Variants in GNAI3 observed in about 807,000 individuals in gnomAD.
GNAI3 encodes G protein subunit alpha i3.
A neutral mutation model predicts 41.8 loss-of-function variants in GNAI3; 12 were observed. The observed-to-expected ratio is 0.29, with a 90% CI of 0.18 to 0.47. The LOEUF (loss-of-function observed/expected upper bound fraction) is 0.47, where lower values mean the gene tolerates loss of function less well. Among genes scored for constraint, GNAI3 ranks in the 20% least tolerant of loss-of-function variants. GNAI3 has a pLI of 1.00. For synonymous variants in GNAI3, 132 were observed against 146.5 expected (o/e 0.90, Z 0.71); for missense variants, 360 against 429.6 (o/e 0.84, Z 1.43).
At chr1:109,571,899 CAG>C (rs1648613310) in intron 1 of GNAI3, among the ~76,000 whole-genome samples, 1 of 151,726 alleles carries the variant, frequency 6.6e-6, no homozygotes. Flanking sequence ...GCCTGGGTGA[CAG>C]AGCAAGAGTC....
In GNAI3 at chr1:109,598,982, T is replaced by G. The variant is rs571600016; in HGVS notation, c.*6660T>G. On this transcript the variant is annotated 3_prime_UTR_variant, in exon 9 of 9. Coordinates refer to ENST00000369851, the MANE Select transcript of GNAI3 (RefSeq NM_006496.4). ...CCAGCATGGCCGGCACACTTTGGTC[T>G]ACGGCACATCTCCAAGTATAGAGTG... The G allele has an allele frequency of 9.3e-6, 5 of 534,886 alleles. No individual in the cohort carries two copies. The East Asian group carries it at 2.7e-4, about 29-fold the overall frequency. The allele number at this position is 534,886 out of a possible 1,614,324, so 33.1% of individuals were successfully genotyped here.
At chr1:109,580,200 G>A (rs996760604) in intron 4 of GNAI3, among the ~76,000 whole-genome samples, 20 of 151,990 alleles carry the variant, frequency 1.3e-4, no homozygotes, top group African/African-American at 4.4e-4. Flanking sequence ...GGGTTTCAAC[G>A]TGTTAGCCAG....
rs879858902 is a variant in GNAI3 at position 109,598,523 on chromosome 1, G to GA, written c.*6212dup. 593 of 167,928 alleles carry GA rather than the reference G, an allele frequency of 3.5e-3. No homozygotes were observed. The highest frequency in any genetic ancestry group is 0.012 in the South Asian group (93 of 7,946). The allele number at this position is 167,928 out of a possible 1,614,324, so 10.4% of individuals were successfully genotyped here. ...ATGATACTCAGGATTATACTGCACA[G>GA]AAAAAAAAAAATCCTAAGGCAGCAC... On this transcript the variant is annotated 3_prime_UTR_variant, in exon 9 of 9. Transcript: ENST00000369851.
Position 109,586,841 on chromosome 1 carries a change from TAA to T in GNAI3, c.835_836del (p.Lys279GlufsTer18), listed in dbSNP as rs1649043534. On this transcript the variant is annotated frameshift_variant, in exon 7 of 9. Coordinates refer to ENST00000369851, the MANE Select transcript of GNAI3 (RefSeq NM_006496.4). LOFTEE classifies it high-confidence loss of function. Reference sequence around the variant, plus strand: ...AAGAAAGACCTTTTTGAGGAAAAAATAAAGAGGAGTCCGTTAACTATCTGTTA... The same window carrying T: ...AAGAAAGACCTTTTTGAGGAAAAAATAGAGGAGTCCGTTAACTATCTGTTA... 1 of 1,602,982 alleles carries T rather than the reference TAA, an allele frequency of 6.2e-7. No individual in the cohort carries two copies. The highest frequency in any genetic ancestry group is 1.3e-5 in the African/African-American group (1 of 74,642).
At chr1:109,576,296 T>A (rs1658893460) in intron 3 of GNAI3, among the ~76,000 whole-genome samples, 1 of 152,106 alleles carries the variant, frequency 6.6e-6, no homozygotes, top group Admixed American at 6.5e-5. Context: ...CTTGAATTCC[T>A]GACCTCAGGT....
At chr1:109,579,575 T>G (rs1648836037) in intron 4 of GNAI3, among the ~76,000 whole-genome samples, 2 of 152,224 alleles carry the variant, frequency 1.3e-5, no homozygotes, top group African/African-American at 4.8e-5. Context: ...AATGGGAGAC[T>G]TGGCACCACA....
rs1649226300 is a variant in GNAI3 at position 109,593,726 on chromosome 1, G to C, written c.*1404G>C. The C allele has an allele frequency of 6.6e-6, 1 of 152,626 alleles. No homozygotes were observed. The highest frequency in any genetic ancestry group is 6.5e-5 in the Admixed American group (1 of 15,282). 9.5% of individuals were successfully genotyped at this position (152,626 alleles called of 1,614,324 possible). A position where few individuals can be genotyped will look rare whatever the true frequency, so the allele number is the denominator to read the frequency against. On this transcript the variant is annotated 3_prime_UTR_variant, in exon 9 of 9. Transcript: ENST00000369851. ...ATATGTGATCATGATTCATTTTGCAGATTTACATTTTGCTTGTGTGGAAAG... is the reference window on the plus strand; with the variant it reads ...ATATGTGATCATGATTCATTTTGCACATTTACATTTTGCTTGTGTGGAAAG...
Position 109,592,328 on chromosome 1 carries a change from A to G in GNAI3, c.*23-17A>G, listed in dbSNP as rs1649193858. ...GTTTTTAAACTTTTTCTAATTAAGA[A>G]TATTCTTCTCTTCTAGTTACTACAG... On this transcript the variant is annotated splice_polypyrimidine_tract_variant and intron_variant, in intron 8 of 8. Transcript: ENST00000369851. The G allele has an allele frequency of 1.0e-5, 8 of 782,688 alleles. No individual in the cohort carries two copies. Among genetic ancestry groups the G allele is most frequent in the Admixed American group, 2.4e-5 (1 of 41,196 alleles). 48.5% of individuals were successfully genotyped at this position (782,688 alleles called of 1,614,324 possible). A position where few individuals can be genotyped will look rare whatever the true frequency, so the allele number is the denominator to read the frequency against.
At chr1:109,588,824 C>T (rs960782990) in intron 7 of GNAI3, among the ~76,000 whole-genome samples, 6 of 152,044 alleles carry the variant, frequency 3.9e-5, no homozygotes, top group Admixed American at 2.6e-4. Flanking sequence ...ACCCGGGAGG[C>T]GGAGGTTGCG....
rs189390510 is a variant in GNAI3, at chr1:109,559,108, G to A, written c.118+10270G>A. ...CGGGAGAATTGCTTGAACCCAGGAG[G>A]CAGAGGTTGCAGCGCGCTGAGATTG... On this transcript the variant is annotated intron_variant, in intron 1 of 8. Coordinates refer to ENST00000369851, the MANE Select transcript of GNAI3 (RefSeq NM_006496.4). Among the ~76,000 whole-genome samples the A allele has an allele frequency of 5.6e-3, 855 of 152,070 alleles. 8 individuals are homozygous for A. The highest frequency in any genetic ancestry group is 0.02 in the African/African-American group (834 of 41,440).
chr1:109,568,611 A>G (rs1455382876), intron 1 of GNAI3, among the ~76,000 whole-genome samples: 1 of 152,192 alleles, frequency 6.6e-6, no homozygotes. Flanking sequence ...ATTAGAGTAC[A>G]TATTGTTGAA....
At chr1:109,579,814 T>C (rs1359227448) in intron 4 of GNAI3, among the ~76,000 whole-genome samples, 2 of 152,214 alleles carry the variant, frequency 1.3e-5, no homozygotes, top group Non-Finnish European at 2.9e-5. Flanking sequence ...CAGATCACAG[T>C]AGTAGACTTT....
chr1:109,551,329 CA>C (rs1281423548), intron 1 of GNAI3, among the ~76,000 whole-genome samples: 1 of 152,132 alleles, frequency 6.6e-6, no homozygotes, highest in Non-Finnish European at 1.5e-5. Context: ...AAAATGTACC[CA>C]AAACAGTATA....
intron 1 of GNAI3, among the ~76,000 whole-genome samples, chr1:109,553,629 A>C (rs1648063582): frequency 6.6e-6 from 1 of 152,174 alleles, no homozygotes; most frequent in Non-Finnish European, 1.5e-5. Context: ...GTGAGGATGC[A>C]TCTGTGTTTC....
intron 1 of GNAI3, among the ~76,000 whole-genome samples, chr1:109,558,291 T>C (rs503558): frequency 0.67 from 101,237 of 151,680 alleles, 34,208 homozygotes; most frequent in African/African-American, 0.77. Context: ...GGCGTGGTGG[T>C]GCACACCTGT....
intron 1 of GNAI3, among the ~76,000 whole-genome samples, chr1:109,566,545 C>T (rs565281993): frequency 1.6e-4 from 24 of 152,110 alleles, no homozygotes; most frequent in South Asian, 1.0e-3. Context: ...CTTGAAAAGC[C>T]GTTTGAATGA....
chr1:109,591,995 C>A, intron 7 of GNAI3, 48 bp from the exon 8 acceptor site: 1 of 1,247,592 alleles, frequency 8.0e-7, no homozygotes, highest in South Asian at 1.3e-5. Flanking sequence ...TAGTTGAGTT[C>A]AGGCAGCTGT....
Position 109,597,892 on chromosome 1 carries a change from CG to C in GNAI3, c.*5575del, listed in dbSNP as rs908051674. 1 of 152,066 alleles carries C rather than the reference CG, an allele frequency of 6.6e-6. No individual in the cohort carries two copies. The highest frequency in any genetic ancestry group is 1.5e-5 in the Non-Finnish European group (1 of 68,008). 9.4% of individuals were successfully genotyped at this position (152,066 alleles called of 1,614,324 possible). ...AATGAAAGTCGTTTTGAAATGGGTA[CG>C]GGGGTATATAAGGGGAATGATTGAG... On this transcript the variant is annotated 3_prime_UTR_variant, in exon 9 of 9. Coordinates refer to ENST00000369851, the MANE Select transcript of GNAI3 (RefSeq NM_006496.4).
rs990612565 is a variant in GNAI3 at position 109,586,147 on chromosome 1, TAATC to T, written c.591-67_591-64del. Reference sequence around the variant, plus strand: ...GAATATGTAATAGTGGGAAGTTTCCTAATCATTTCAGTTTAGGGGAAGGTGTATG... The same window carrying T: ...GAATATGTAATAGTGGGAAGTTTCCTATTTCAGTTTAGGGGAAGGTGTATG... On this transcript the variant is annotated intron_variant, in intron 5 of 8. Coordinates refer to ENST00000369851, the MANE Select transcript of GNAI3 (RefSeq NM_006496.4). 8.6e-6 allele frequency: 12 copies of T among 1,390,998 alleles called. No homozygotes were observed. The African/African-American group carries it at 1.7e-4, about 20-fold the overall frequency. 86.2% of individuals were successfully genotyped at this position (1,390,998 alleles called of 1,614,324 possible).
Sources: allele counts gnomAD v4.1 joint callset (sites outside exome capture counted in the v4.1 genomes callset), GRCh38; gene constraint gnomAD v4.1.1; transcripts MANE v1.5; gene names NCBI Gene and HGNC (gene_info 2026-07-23, HGNC 2026-07-21).